Variants in ZBBX observed in about 807,000 individuals in gnomAD.
ZBBX encodes zinc finger B-box domain-containing protein 1.
ZBBX carries 101 observed loss-of-function variants against 108.5 expected under a neutral mutation model. The ratio of observed to expected loss-of-function variants is 0.93; its 90% CI spans 0.79 to 1.10. The LOEUF (loss-of-function observed/expected upper bound fraction) is 1.10, where lower values mean the gene tolerates loss of function less well. Ranked by LOEUF, ZBBX falls within the 50% of genes least tolerant of loss-of-function variation. The probability of loss-of-function intolerance (pLI) is 0.00; values close to 1 mark genes in which losing one functional copy is unlikely to be tolerated. For synonymous variants in ZBBX, 356 were observed against 323.4 expected, an observed-to-expected ratio of 1.10 and a Z score of -1.08; for missense variants, 1,009 against 941.4, an observed-to-expected ratio of 1.07 and a Z score of -0.94.
At chr3:167,346,844 G>A (rs1052902074) in intron 9 of ZBBX, among the ~76,000 whole-genome samples, 1 of 151,738 alleles carries the variant, frequency 6.6e-6, no homozygotes, top group Non-Finnish European at 1.5e-5. Flanking sequence ...AGACAAAAAA[G>A]CATGTTGACT....
intron 18 of ZBBX, among the ~76,000 whole-genome samples, chr3:167,291,045 T>C (rs891999610): frequency 1.3e-5 from 2 of 151,818 alleles, no homozygotes; most frequent in Non-Finnish European, 2.9e-5. Context: ...CTCCAAGAAA[T>C]ATGGGACTGT....
At chr3:167,253,520 GA>G (rs1389898220) in intron 20 of ZBBX, among the ~76,000 whole-genome samples, 1 of 151,924 alleles carries the variant, frequency 6.6e-6, no homozygotes, top group Non-Finnish European at 1.5e-5. Context: ...AAAAAGACAA[GA>G]AAGCCCAGAT....
At chr3:167,331,259 G>A (rs183625594) in intron 10 of ZBBX, among the ~76,000 whole-genome samples, 85 of 152,208 alleles carry the variant, frequency 5.6e-4, no homozygotes, top group Admixed American at 1.4e-3. Flanking sequence ...TTGTTGGCTT[G>A]GAAAGCTAGG....
intron 16 of ZBBX, among the ~76,000 whole-genome samples, chr3:167,312,597 C>T (rs557569968): frequency 1.3e-5 from 2 of 152,202 alleles, no homozygotes; most frequent in East Asian, 3.9e-4. Flanking sequence ...CCTAAAACTG[C>T]TCTAAAAAGT....
At chr3:167,314,479 A>T (rs1026148609) in intron 15 of ZBBX, among the ~76,000 whole-genome samples, 1 of 152,206 alleles carries the variant, frequency 6.6e-6, no homozygotes, top group African/African-American at 2.4e-5. Context: ...CTACTAGATA[A>T]ACATATTATT....
chr3:167,394,392 A>G (rs1389193140), intron 1 of ZBBX, among the ~76,000 whole-genome samples: 2 of 151,970 alleles, frequency 1.3e-5, no homozygotes, highest in African/African-American at 4.8e-5. Context: ...TGATTGTATC[A>G]AGTAGAAGCC....
intron 1 of ZBBX, among the ~76,000 whole-genome samples, chr3:167,392,477 T>C (rs1748107293): frequency 6.6e-6 from 1 of 151,836 alleles, no homozygotes; most frequent in African/African-American, 2.4e-5. Flanking sequence ...AGTTTATATT[T>C]AACTTTATAA....
the ZBBX span, among the ~76,000 whole-genome samples, chr3:167,232,172 T>C: frequency 6.6e-6 from 1 of 151,818 alleles, no homozygotes; most frequent in South Asian, 2.1e-4. Flanking sequence ...TTTATTAACT[T>C]TATGTCAAAA....
At chr3:167,331,051 A>C (rs765315972) in intron 10 of ZBBX, among the ~76,000 whole-genome samples, 1 of 151,136 alleles carries the variant, frequency 6.6e-6, no homozygotes, top group Non-Finnish European at 1.5e-5. Context: ...AAAGCCAGGA[A>C]GTAAAGCCTC....
At chr3:167,294,861 C>T (rs9680972) in intron 18 of ZBBX, among the ~76,000 whole-genome samples, 48,136 of 151,874 alleles carry the variant, frequency 0.32, 8,149 homozygotes, top group East Asian at 0.66. Flanking sequence ...AACAAACAAC[C>T]CCATCCAAAA....
chr3:167,331,524 ATGTCAGACATT>A lies in ZBBX; in HGVS notation c.687+2292_687+2302del, dbSNP rs1738624996. 3 of 975,320 alleles carry A rather than the reference ATGTCAGACATT, an allele frequency of 3.1e-6. No homozygotes were observed. In the African/African-American group the frequency reaches 5.3e-5, roughly 17 times the overall value. 60.4% of individuals were successfully genotyped at this position (975,320 alleles called of 1,614,324 possible). On this transcript the variant is annotated intron_variant, in intron 10 of 21. Transcript: ENST00000675490. ...CTTCCTTCCAAGCAATGAATCAGAG[ATGTCAGACATT>A]TTCATATTGGAGTTATGCCATTGGA...
At chr3:167,385,821 T>A (rs1221252999) in intron 1 of ZBBX, among the ~76,000 whole-genome samples, 1 of 152,064 alleles carries the variant, frequency 6.6e-6, no homozygotes, top group Admixed American at 6.6e-5. Context: ...ATTGTATATG[T>A]CATCCCGTCA....
chr3:167,311,936 T>C (rs2108266934), intron 16 of ZBBX, among the ~76,000 whole-genome samples: 1 of 152,270 alleles, frequency 6.6e-6, no homozygotes, highest in East Asian at 1.9e-4. Context: ...TCCTTGGTAT[T>C]TACCCAAATA....
the ZBBX span, among the ~76,000 whole-genome samples, chr3:167,184,407 C>T: frequency 2.0e-5 from 3 of 152,126 alleles, no homozygotes; most frequent in African/African-American, 7.2e-5. Flanking sequence ...TGTCGAACTC[C>T]TTCAAGTGAT....
At chr3:167,187,494 A>G in the ZBBX span, among the ~76,000 whole-genome samples, 1 of 152,184 alleles carries the variant, frequency 6.6e-6, no homozygotes, top group African/African-American at 2.4e-5. Context: ...GTAATTTGTG[A>G]CTGACATTGA....
intron 18 of ZBBX, among the ~76,000 whole-genome samples, chr3:167,292,378 G>A (rs1191244258): frequency 6.6e-6 from 1 of 152,156 alleles, no homozygotes; most frequent in African/African-American, 2.4e-5. Context: ...AATCAAATTA[G>A]GAATCAGGAT....
At chr3:167,377,971 A>G (rs2108620036) in intron 2 of ZBBX, among the ~76,000 whole-genome samples, 1 of 152,268 alleles carries the variant, frequency 6.6e-6, no homozygotes, top group Admixed American at 6.5e-5. Context: ...AGTTCTCATG[A>G]GATCTGATGG....
At chr3:167,232,429 T>C in the ZBBX span, among the ~76,000 whole-genome samples, 1 of 151,942 alleles carries the variant, frequency 6.6e-6, no homozygotes, top group Non-Finnish European at 1.5e-5. Flanking sequence ...AGTTCTATTA[T>C]CATTATCACT....
the ZBBX span, among the ~76,000 whole-genome samples, chr3:167,184,454 A>T: frequency 6.6e-6 from 1 of 152,160 alleles, no homozygotes; most frequent in African/African-American, 2.4e-5. Context: ...GCAGTTCTTT[A>T]TAATACTAAA....
Sources: allele counts gnomAD v4.1 joint callset (sites outside exome capture counted in the v4.1 genomes callset), GRCh38; gene constraint gnomAD v4.1.1; transcripts MANE v1.5; gene names NCBI Gene and HGNC (gene_info 2026-07-23, HGNC 2026-07-21).